The following LYN variants were observed in gnomAD, a reference collection of about 807,000 sequenced individuals.
LYN encodes tyrosine-protein kinase Lyn.
LYN carries 12 observed loss-of-function variants against 65.0 expected under a neutral mutation model. The ratio of observed to expected loss-of-function variants is 0.18; its 90% CI spans 0.12 to 0.30. LYN has a LOEUF of 0.30. Among genes scored for constraint, LYN ranks in the 10% least tolerant of loss-of-function variants. LYN has a pLI of 1.00. For synonymous variants in LYN, 222 were observed against 221.2 expected, an observed-to-expected ratio of 1.00 and a Z score of -0.03; for missense variants, 380 against 623.2, an observed-to-expected ratio of 0.61 and a Z score of 4.16.
intron 8 of LYN, among the ~76,000 whole-genome samples, chr8:55,962,838 T>A (rs542061222): frequency 6.6e-6 from 1 of 152,344 alleles, no homozygotes; most frequent in East Asian, 1.9e-4. Context: ...CACCTGTCTC[T>A]GCTTCTGGTG....
At chr8:56,006,562 T>C (rs147136759) in intron 12 of LYN, among the ~76,000 whole-genome samples, 166 of 152,304 alleles carry the variant, frequency 1.1e-3, no homozygotes, top group Middle Eastern at 3.4e-3. Context: ...TTCTACCCAC[T>C]CCAGATGCCA....
intron 1 of LYN, among the ~76,000 whole-genome samples, chr8:55,898,082 T>C (rs1234417451): frequency 6.6e-6 from 1 of 152,170 alleles, no homozygotes; most frequent in Non-Finnish European, 1.5e-5. Flanking sequence ...GCAGATTCAC[T>C]GAATTATTTT....
chr8:55,902,975 A>G (rs1805314165), intron 1 of LYN: 2 of 322,828 alleles, frequency 6.2e-6, no homozygotes, highest in Non-Finnish European at 1.2e-5. Flanking sequence ...CAGCCTCCCG[A>G]GTAGCTGGGA....
chr8:55,956,204 A>T (rs1807106967), intron 8 of LYN, among the ~76,000 whole-genome samples: 1 of 152,150 alleles, frequency 6.6e-6, no homozygotes, highest in South Asian at 2.1e-4. Flanking sequence ...TAGTATAATG[A>T]ATATTGTATA....
intron 1 of LYN, among the ~76,000 whole-genome samples, chr8:55,933,653 T>G (rs1343498631): frequency 6.6e-6 from 1 of 152,204 alleles, no homozygotes; most frequent in Non-Finnish European, 1.5e-5. Flanking sequence ...TACAGGACTG[T>G]CAAGGCTGGA....
At chr8:55,992,022 T>A (rs998015811) in intron 10 of LYN, among the ~76,000 whole-genome samples, 2 of 152,330 alleles carry the variant, frequency 1.3e-5, no homozygotes, top group African/African-American at 4.8e-5. Context: ...GGATGCTTTT[T>A]ATTTCAGATT....
At chr8:55,996,859 G>T (rs1808383016) in intron 10 of LYN, among the ~76,000 whole-genome samples, 1 of 152,102 alleles carries the variant, frequency 6.6e-6, no homozygotes, top group Non-Finnish European at 1.5e-5. Context: ...GCCGGGCGTG[G>T]TGGCTCATGC....
Position 55,880,107 on chromosome 8 carries a change from A to G in LYN, c.-6+4A>G. On this transcript the variant is annotated splice_donor_region_variant and intron_variant, in intron 1 of 12. Transcript: ENST00000519728. ...CCGAAACTTTCACCGCGAGCGGGTG[A>G]GTCCTCTGCGCGAGCCCAGGGGTGG... 7.0e-6 allele frequency: 2 copies of G among 285,002 alleles called. No homozygotes were observed. Among genetic ancestry groups the G allele is most frequent in the Non-Finnish European group, 1.4e-5 (2 of 140,670 alleles). 17.7% of individuals were successfully genotyped at this position (285,002 alleles called of 1,614,324 possible).
At chr8:55,895,382 T>G (rs1466138) in intron 1 of LYN, among the ~76,000 whole-genome samples, 136,775 of 152,158 alleles carry the variant, frequency 0.9, 61,561 homozygotes, top group East Asian at 0.98. Flanking sequence ...TCTTGGTGAA[T>G]AATATAGGTA....
At chr8:55,890,152 CAAAT>C (rs377727290) in intron 1 of LYN, among the ~76,000 whole-genome samples, 5 of 101,808 alleles carry the variant, frequency 4.9e-5, no homozygotes, top group African/African-American at 1.5e-4. Context: ...TAAATAAAAA[CAAAT>C]AAAAATTACT....
At chr8:55,923,305 C>T (rs1174300086) in intron 1 of LYN, among the ~76,000 whole-genome samples, 3 of 152,068 alleles carry the variant, frequency 2.0e-5, no homozygotes, top group Non-Finnish European at 1.5e-5. Flanking sequence ...AGGTGGGTCC[C>T]GGTGCCAGGA....
chr8:55,884,709 C>T (rs1804743763), intron 1 of LYN, among the ~76,000 whole-genome samples: 1 of 152,150 alleles, frequency 6.6e-6, no homozygotes. Flanking sequence ...GCCTCGGCCT[C>T]CCAAAATGCT....
chr8:55,972,614 C>G (rs1364550267), intron 10 of LYN, among the ~76,000 whole-genome samples: 1 of 152,200 alleles, frequency 6.6e-6, no homozygotes, highest in Non-Finnish European at 1.5e-5. Context: ...CTGAAATGAT[C>G]TGTCTGTGCC....
At chr8:55,908,430 A>C (rs1330371581) in intron 1 of LYN, among the ~76,000 whole-genome samples, 2 of 151,802 alleles carry the variant, frequency 1.3e-5, no homozygotes, top group African/African-American at 4.8e-5. Context: ...TTTTTCGTAG[A>C]GACAGGGTTT....
intron 1 of LYN, among the ~76,000 whole-genome samples, chr8:55,893,181 A>G (rs537491991): frequency 1.3e-5 from 2 of 152,310 alleles, no homozygotes; most frequent in East Asian, 3.9e-4. Context: ...CAGTTGCTAA[A>G]ATTCTCACAC....
intron 8 of LYN, among the ~76,000 whole-genome samples, chr8:55,958,495 G>C (rs887923533): frequency 6.6e-6 from 1 of 152,148 alleles, no homozygotes; most frequent in African/African-American, 2.4e-5. Context: ...CATAAAATTT[G>C]TGTTTTAGCG....
intron 10 of LYN, among the ~76,000 whole-genome samples, chr8:55,984,865 T>G (rs1400934398): frequency 1.3e-5 from 2 of 152,252 alleles, no homozygotes; most frequent in East Asian, 3.8e-4. Context: ...GTTACTCCTT[T>G]TCATACATTT....
chr8:55,946,853 G>A (rs963013320), intron 3 of LYN, among the ~76,000 whole-genome samples: 6 of 152,200 alleles, frequency 3.9e-5, no homozygotes, highest in African/African-American at 1.4e-4. Context: ...GTCCTTTTGT[G>A]TTTGGATTAT....
intron 1 of LYN, among the ~76,000 whole-genome samples, chr8:55,888,268 A>C (rs2130355948): frequency 6.6e-6 from 1 of 152,280 alleles, no homozygotes; most frequent in African/African-American, 2.4e-5. Flanking sequence ...TTTCCTGAGG[A>C]AGGACAGCCT....
Sources: allele counts gnomAD v4.1 joint callset (sites outside exome capture counted in the v4.1 genomes callset), GRCh38; gene constraint gnomAD v4.1.1; transcripts MANE v1.5; gene names NCBI Gene and HGNC (gene_info 2026-07-23, HGNC 2026-07-21).